SNX29: variants seen among roughly 807,000 people sequenced by gnomAD.
SNX29 encodes sorting nexin 29.
A neutral mutation model predicts 102.1 loss-of-function variants in SNX29; 78 were observed. The ratio of observed to expected loss-of-function variants is 0.76; its 90% confidence interval spans 0.64 to 0.92. The LOEUF (loss-of-function observed/expected upper bound fraction) is 0.92, where lower values mean the gene tolerates loss of function less well. Among genes scored for constraint, SNX29 ranks in the 40% least tolerant of loss-of-function variants. The probability of loss-of-function intolerance (pLI) is 0.00; values close to 1 mark genes in which losing one functional copy is unlikely to be tolerated. For missense variants in SNX29, 1,280 were observed against 1,061.7 expected (o/e 1.21, Z -2.86); for synonymous variants, 580 against 414.5 (o/e 1.40, Z -4.85).
At chr16:12,242,589 TC>T (rs1296104479) in intron 14 of SNX29, among the ~76,000 whole-genome samples, 1 of 149,438 alleles carries the variant, frequency 6.7e-6, no homozygotes, top group Admixed American at 6.6e-5. Flanking sequence ...TTTCTTCTTC[TC>T]TTCTTCTTCT....
intron 14 of SNX29, among the ~76,000 whole-genome samples, chr16:12,227,195 C>A (rs1197819038): frequency 1.3e-5 from 2 of 152,144 alleles, no homozygotes; most frequent in East Asian, 3.9e-4. Flanking sequence ...TTCCTTTCTC[C>A]CCATTTTACT....
intron 15 of SNX29, among the ~76,000 whole-genome samples, chr16:12,319,397 G>A (rs1441958915): frequency 1.3e-5 from 2 of 152,156 alleles, no homozygotes; most frequent in Admixed American, 1.3e-4. Flanking sequence ...GGGAGGCTGA[G>A]GTGAGAGGAT....
chr16:12,020,494 G>A (rs1484871190), intron 3 of SNX29, among the ~76,000 whole-genome samples: 7 of 151,974 alleles, frequency 4.6e-5, no homozygotes, highest in South Asian at 4.1e-4. Context: ...GAGCAACTGC[G>A]CCCCACCTGT....
intron 18 of SNX29, among the ~76,000 whole-genome samples, chr16:12,462,034 C>CACACACAT (rs1567588226): frequency 9.8e-5 from 13 of 132,262 alleles, no homozygotes; most frequent in African/African-American, 3.7e-4. Flanking sequence ...CACACACACA[C>CACACACAT]ACACACACAC....
intron 18 of SNX29, among the ~76,000 whole-genome samples, chr16:12,456,691 G>C (rs2086555098): frequency 6.6e-6 from 1 of 152,112 alleles, no homozygotes; most frequent in Non-Finnish European, 1.5e-5. Context: ...TGTGCACCCG[G>C]TAGCATGTGT....
intron 1 of SNX29, among the ~76,000 whole-genome samples, chr16:11,994,563 C>T (rs962593244): frequency 6.6e-6 from 1 of 152,132 alleles, no homozygotes; most frequent in Non-Finnish European, 1.5e-5. Flanking sequence ...TGAGTCTAGC[C>T]CTGGGTAAAG....
At chr16:12,010,124 T>TA (rs1314731612) in intron 3 of SNX29, among the ~76,000 whole-genome samples, 1 of 152,240 alleles carries the variant, frequency 6.6e-6, no homozygotes, top group East Asian at 1.9e-4. Context: ...AGAGGGTTGT[T>TA]ATGAGTCAGT....
At chr16:12,060,809 G>A (rs1225199743) in intron 8 of SNX29, 2 of 456,342 alleles carry the variant, frequency 4.4e-6, no homozygotes, top group East Asian at 1.4e-4. Context: ...GCGTTTCGAA[G>A]ATGGCACGCA....
At chr16:12,496,616 T>A (rs1285158673) in intron 19 of SNX29, among the ~76,000 whole-genome samples, 3 of 150,424 alleles carry the variant, frequency 2.0e-5, no homozygotes, top group Non-Finnish European at 1.5e-5. Context: ...GTTCAAACAG[T>A]TCTCCTGCGT....
chr16:12,147,384 T>A (rs543185495), intron 13 of SNX29, among the ~76,000 whole-genome samples: 1 of 152,356 alleles, frequency 6.6e-6, no homozygotes, highest in South Asian at 2.1e-4. Context: ...AGAACTCTTA[T>A]GAAAAGGTTA....
intron 20 of SNX29, among the ~76,000 whole-genome samples, chr16:12,542,111 C>G (rs959545444): frequency 6.6e-6 from 1 of 152,038 alleles, no homozygotes; most frequent in Non-Finnish European, 1.5e-5. Flanking sequence ...CAACGGATCC[C>G]TAAATTGAGC....
At position 12,481,465 on chromosome 16, in the gene SNX29, T is replaced by TATATAC. The variant is rs35363105; in HGVS notation, c.2178+3607_2178+3608insTATACA. The stretch of plus-strand genomic sequence containing the variant: ...ACACACACATATATACATATATATA[T>TATATAC]ACACATATATACACACATATATATA... On this transcript the variant is annotated intron_variant, in intron 19 of 20. Transcript: ENST00000566228. Among the ~76,000 whole-genome samples, 34 of 102,666 alleles carry TATATAC rather than the reference T, an allele frequency of 3.3e-4. 1 individual carries two copies. Among genetic ancestry groups the TATATAC allele is most frequent in the Admixed American group, 2.0e-3 (18 of 8,914 alleles). 67.4% of individuals were successfully genotyped at this position (102,666 alleles called of 152,430 possible). A position where few individuals can be genotyped will look rare whatever the true frequency, so the allele number is the denominator to read the frequency against.
In SNX29 at chr16:12,345,595, T is replaced by C. The variant is rs567050279; in HGVS notation, c.1783-10568T>C. Among the ~76,000 whole-genome samples the C allele has an allele frequency of 3.3e-5, 5 of 152,324 alleles. No individual in the cohort carries two copies. The South Asian group carries it at 1.0e-3, about 32-fold the overall frequency. On this transcript the variant is annotated intron_variant, in intron 15 of 20. Transcript: ENST00000566228. ...CATTTAGTAAGTGCTCAGAAAACAG[T>C]AACTGTTGTTGCCACTACTACTGGG...
At chr16:12,184,912 C>G (rs1039520853) in intron 13 of SNX29, among the ~76,000 whole-genome samples, 7 of 152,158 alleles carry the variant, frequency 4.6e-5, no homozygotes, top group African/African-American at 1.4e-4. Flanking sequence ...TGTGTTTCCT[C>G]AGAAATGTGG....
chr16:12,345,201 C>A (rs1597008520), intron 15 of SNX29, among the ~76,000 whole-genome samples: 1 of 152,302 alleles, frequency 6.6e-6, no homozygotes, highest in African/African-American at 2.4e-5. Context: ...GGAGACATTA[C>A]CATCTGCAGA....
intron 11 of SNX29, among the ~76,000 whole-genome samples, chr16:12,101,341 T>C (rs562004243): frequency 3.7e-5 from 5 of 135,238 alleles, no homozygotes; most frequent in Admixed American, 2.4e-4. Flanking sequence ...TTAGCATCTC[T>C]CTCATTCTGT....
chr16:12,568,982 A>G lies in SNX29; in HGVS notation c.*353A>G, dbSNP rs1430045090. ...GCTGGGTGCGCCATGGTTGAGAGGC[A>G]AAGGTGATCCCCTATATAGGAAGGT... On this transcript the variant is annotated 3_prime_UTR_variant, in exon 21 of 21. Transcript: ENST00000566228. The G allele has an allele frequency of 5.9e-6, 2 of 339,434 alleles. No individual in the cohort carries two copies. Among genetic ancestry groups the G allele is most frequent in the Non-Finnish European group, 1.1e-5 (2 of 185,444 alleles). 21.0% of individuals were successfully genotyped at this position (339,434 alleles called of 1,614,324 possible). A position where few individuals can be genotyped will look rare whatever the true frequency, so the allele number is the denominator to read the frequency against.
intron 20 of SNX29, among the ~76,000 whole-genome samples, chr16:12,566,982 T>G (rs1172337749): frequency 2.6e-5 from 4 of 152,202 alleles, no homozygotes; most frequent in African/African-American, 9.6e-5. Flanking sequence ...ACAGTGGCCA[T>G]GTCCCTGGAA....
chr16:12,534,709 C>T (rs748973590), intron 20 of SNX29, among the ~76,000 whole-genome samples: 2 of 152,222 alleles, frequency 1.3e-5, no homozygotes, highest in Non-Finnish European at 2.9e-5. Flanking sequence ...GGCGTTGCCA[C>T]TCCCCTGTCA....
Sources: gnomAD v4.1 joint callset for allele counts (sites outside exome capture counted in the v4.1 genomes callset) on GRCh38, gnomAD v4.1.1 for gene constraint, MANE v1.5 for transcripts, NCBI Gene and HGNC (gene_info 2026-07-23, HGNC 2026-07-21) for gene names.